Variants in DLG2 observed in about 807,000 individuals in gnomAD.
DLG2 encodes discs large MAGUK scaffold protein 2.
DLG2 carries 45 observed loss-of-function variants against 132.5 expected under a neutral mutation model. That is an observed-to-expected ratio of 0.34 (90% CI 0.27 to 0.44). The LOEUF (loss-of-function observed/expected upper bound fraction) is 0.44. Among genes scored for constraint, DLG2 ranks in the 20% least tolerant of loss-of-function variants. The pLI is 1.00. For synonymous variants in DLG2, 424 were observed against 419.6 expected (o/e 1.01, Z -0.13); for missense variants, 1,045 against 1,196.9 (o/e 0.87, Z 1.87).
At chr11:83,840,209 C>A (rs2057238409) in intron 16 of DLG2, among the ~76,000 whole-genome samples, 1 of 152,196 alleles carries the variant, frequency 6.6e-6, no homozygotes, top group African/African-American at 2.4e-5. Flanking sequence ...ACACATGCAT[C>A]TATTGCAGCA....
chr11:84,460,952 A>C (rs1382329242), intron 7 of DLG2, among the ~76,000 whole-genome samples: 2 of 150,792 alleles, frequency 1.3e-5, no homozygotes, highest in East Asian at 3.9e-4. Flanking sequence ...ATTTTTTAAG[A>C]AGCAGCTTTT....
intron 16 of DLG2, among the ~76,000 whole-genome samples, chr11:83,846,894 C>T (rs117716379): frequency 0.031 from 4,520 of 145,090 alleles, 119 homozygotes; most frequent in South Asian, 0.086. Flanking sequence ...GCTCCACATA[C>T]GTTCTCACTT....
intron 7 of DLG2, among the ~76,000 whole-genome samples, chr11:84,281,001 G>A (rs2097849438): frequency 2.0e-5 from 3 of 151,474 alleles, no homozygotes; most frequent in South Asian, 2.1e-4. Context: ...GATTACAGGC[G>A]TGAGCCACCG....
intron 3 of DLG2, among the ~76,000 whole-genome samples, chr11:85,593,843 A>G (rs1243803214): frequency 6.6e-6 from 1 of 152,156 alleles, no homozygotes; most frequent in Admixed American, 6.5e-5. Context: ...TATTTATTTT[A>G]TAGACCTTAC....
intron 18 of DLG2, among the ~76,000 whole-genome samples, chr11:83,661,993 T>G (rs143695630): frequency 1.2e-4 from 18 of 152,242 alleles, no homozygotes; most frequent in African/African-American, 4.3e-4. Context: ...TGTATTTTAA[T>G]ATACTTGGAG....
chr11:84,716,860 T>C (rs1157254267), intron 6 of DLG2, among the ~76,000 whole-genome samples: 1 of 152,010 alleles, frequency 6.6e-6, no homozygotes, highest in Non-Finnish European at 1.5e-5. Context: ...ACTTCCTCAA[T>C]AGGCTTGGAA....
At chr11:85,606,142 A>G (rs12807071) in intron 2 of DLG2, among the ~76,000 whole-genome samples, 2 of 152,316 alleles carry the variant, frequency 1.3e-5, no homozygotes, top group South Asian at 2.1e-4. Context: ...CATTTTTTAG[A>G]TTTAGAACGA....
At chr11:84,812,398 C>T (rs944703525) in intron 6 of DLG2, among the ~76,000 whole-genome samples, 1 of 152,120 alleles carries the variant, frequency 6.6e-6, no homozygotes, top group Non-Finnish European at 1.5e-5. Flanking sequence ...TGTAAAAGCA[C>T]AGAATAGTAT....
At chr11:85,417,335 A>G (rs1033750163) in intron 3 of DLG2, among the ~76,000 whole-genome samples, 7 of 152,126 alleles carry the variant, frequency 4.6e-5, no homozygotes, top group African/African-American at 7.2e-5. Context: ...GTGTTGCTGG[A>G]TTTGGTTTGC....
At chr11:84,002,654 T>C (rs149626186) in intron 11 of DLG2, among the ~76,000 whole-genome samples, 38 of 152,140 alleles carry the variant, frequency 2.5e-4, no homozygotes, top group African/African-American at 8.2e-4. Flanking sequence ...AGTCCAGAGA[T>C]TTCATAAAGC....
chr11:85,375,880 A>C (rs1565398187), intron 3 of DLG2, among the ~76,000 whole-genome samples: 1 of 152,056 alleles, frequency 6.6e-6, no homozygotes, highest in Non-Finnish European at 1.5e-5. Flanking sequence ...CTCTTGGTTG[A>C]CTCTCCCCAA....
chr11:84,638,936 T>C (rs2099646234), intron 6 of DLG2, among the ~76,000 whole-genome samples: 2 of 152,210 alleles, frequency 1.3e-5, no homozygotes, highest in South Asian at 4.1e-4. Flanking sequence ...AAACACTGAA[T>C]ATAATTCAAG....
rs768420271 is a variant in DLG2, at chr11:84,420,650, C to CTTT, written c.519+113917_519+113919dup. Among the ~76,000 whole-genome samples, 133 of 42,228 alleles carry CTTT rather than the reference C, an allele frequency of 3.1e-3. 55 individuals carry two copies. Among genetic ancestry groups the CTTT allele is most frequent in the East Asian group, 4.4e-3 (4 of 918 alleles). 27.7% of individuals were successfully genotyped at this position (42,228 alleles called of 152,430 possible). ...CAGCACAGTGACCAATGCTTGTTTT[C>CTTT]TTTTTTTTTTTTTTTTTTTTTTTTT... is the stretch of plus-strand genomic sequence containing the variant. On this transcript the variant is annotated intron_variant, in intron 7 of 27. Transcript: ENST00000376104.
intron 14 of DLG2, among the ~76,000 whole-genome samples, chr11:83,939,632 C>T (rs1427244264): frequency 6.6e-6 from 1 of 152,094 alleles, no homozygotes; most frequent in Admixed American, 6.5e-5. Flanking sequence ...TCCTCGGAGG[C>T]TCGAGGATGA....
At chr11:84,499,231 C>G (rs1271021901) in intron 7 of DLG2, among the ~76,000 whole-genome samples, 1 of 152,150 alleles carries the variant, frequency 6.6e-6, no homozygotes, top group Non-Finnish European at 1.5e-5. Context: ...CTCTATAAAA[C>G]TGAATTGTAA....
intron 4 of DLG2, among the ~76,000 whole-genome samples, chr11:85,187,903 C>T (rs1434934440): frequency 6.6e-6 from 1 of 152,114 alleles, no homozygotes; most frequent in African/African-American, 2.4e-5. Flanking sequence ...TGCAAAACAT[C>T]AGCAGACTAA....
At chr11:83,972,132 A>C (rs1350853077) in intron 12 of DLG2, among the ~76,000 whole-genome samples, 1 of 152,168 alleles carries the variant, frequency 6.6e-6, no homozygotes, top group Non-Finnish European at 1.5e-5. Context: ...GAATAGACTT[A>C]AATTTACTAG....
chr11:85,386,177 C>T (rs1315936069), intron 3 of DLG2, among the ~76,000 whole-genome samples: 2 of 152,166 alleles, frequency 1.3e-5, no homozygotes, highest in Non-Finnish European at 2.9e-5. Flanking sequence ...CAGGTTCTAA[C>T]ACATTCTAGC....
chr11:84,310,111 A>G (rs1021649215), intron 7 of DLG2, among the ~76,000 whole-genome samples: 1 of 152,190 alleles, frequency 6.6e-6, no homozygotes, highest in Non-Finnish European at 1.5e-5. Context: ...GGGGAATGCC[A>G]GTACTCCCAA....
Sources: allele counts gnomAD v4.1 joint callset (sites outside exome capture counted in the v4.1 genomes callset), GRCh38; gene constraint gnomAD v4.1.1; transcripts MANE v1.5; gene names NCBI Gene and HGNC (gene_info 2026-07-23, HGNC 2026-07-21).